The following MAPK9 variants were observed in gnomAD, a reference collection of about 807,000 sequenced individuals.
The protein encoded by MAPK9 is Jun kinase.
A neutral mutation model predicts 57.1 loss-of-function variants in MAPK9; 30 were observed. The observed-to-expected ratio is 0.53, with a 90% confidence interval of 0.39 to 0.71. The LOEUF (loss-of-function observed/expected upper bound fraction) is 0.71. MAPK9 is among the 30% of genes least tolerant of loss of function. MAPK9 has a pLI of 0.00. For missense variants in MAPK9, 362 were observed against 521.0 expected, an observed-to-expected ratio of 0.69 and a Z score of 2.97; for synonymous variants, 155 against 177.0, an observed-to-expected ratio of 0.88 and a Z score of 0.99.
rs972428982 is a variant in MAPK9, at chr5:180,233,607, A to T, written c.*2777T>A. The T allele has an allele frequency of 3.9e-5, 6 of 152,226 alleles. No homozygotes were observed. The highest frequency in any genetic ancestry group is 1.4e-4 in the African/African-American group (6 of 41,458). The allele number at this position is 152,226 out of a possible 1,614,324, so 9.4% of individuals were successfully genotyped here. A position where few individuals can be genotyped will look rare whatever the true frequency, so the allele number is the denominator to read the frequency against. ...ACATGCTATACATTTATCTTTTAAAATGTAGTCTGTATTATTTTCACCAAC... is the reference window on the plus strand; with the variant it reads ...ACATGCTATACATTTATCTTTTAAATTGTAGTCTGTATTATTTTCACCAAC... On this transcript the variant is annotated 3_prime_UTR_variant, in exon 12 of 12. Transcript: ENST00000452135.
At chr5:180,266,531 G>A (rs1018688284) in intron 3 of MAPK9, among the ~76,000 whole-genome samples, 1 of 151,848 alleles carries the variant, frequency 6.6e-6, no homozygotes, top group Non-Finnish European at 1.5e-5. Context: ...GCCAACCAAC[G>A]TGGTCTTAAA....
intron 3 of MAPK9, among the ~76,000 whole-genome samples, chr5:180,267,471 A>T (rs1470896191): frequency 6.7e-6 from 1 of 148,280 alleles, no homozygotes; most frequent in African/African-American, 2.5e-5. Flanking sequence ...CTGAGGCAGG[A>T]GAATGGCGTG....
intron 2 of MAPK9, among the ~76,000 whole-genome samples, chr5:180,273,652 T>C (rs887426846): frequency 6.6e-6 from 1 of 152,252 alleles, no homozygotes; most frequent in Non-Finnish European, 1.5e-5. Context: ...GCAATTCAAC[T>C]GACATTCACT....
chr5:180,241,072 G>A lies in MAPK9; in HGVS notation c.955C>T (p.Pro319Ser). ...GGGTCATACCAAACAGTGATGTATG[G>A]GTGACGCAGAGCTTCGTCTACAGAG... The part of the protein sequence containing the change: ...RISVDEALRH[P>S]YITVWYDPAE... The change falls in exon 9 of 12, where the codon CCA becomes TCA. Residue 319 changes from proline (P) to serine (S), a missense_variant. Transcript: ENST00000452135. 2 of 1,613,996 alleles carry A rather than the reference G, an allele frequency of 1.2e-6. No individual in the cohort carries two copies. Among genetic ancestry groups the A allele is most frequent in the East Asian group, 4.5e-5 (2 of 44,876 alleles).
intron 1 of MAPK9, among the ~76,000 whole-genome samples, chr5:180,282,732 G>A (rs1240338999): frequency 6.6e-6 from 1 of 152,198 alleles, no homozygotes; most frequent in Non-Finnish European, 1.5e-5. Flanking sequence ...CTGCTATGCC[G>A]TCAACACACC....
At chr5:180,260,524 T>G (rs1455293633) in intron 5 of MAPK9, among the ~76,000 whole-genome samples, 1 of 152,338 alleles carries the variant, frequency 6.6e-6, no homozygotes, top group East Asian at 1.9e-4. Context: ...TCATTTCTAA[T>G]GACCATCTCT....
intron 7 of MAPK9, among the ~76,000 whole-genome samples, chr5:180,243,087 T>C (rs36112494): frequency 0.014 from 2,081 of 152,258 alleles, 43 homozygotes; most frequent in African/African-American, 0.047. Context: ...TAGATAAACA[T>C]TACATAAGCA....
chr5:180,290,656 G>A (rs1429670207), intron 1 of MAPK9, among the ~76,000 whole-genome samples: 1 of 152,176 alleles, frequency 6.6e-6, no homozygotes, highest in East Asian at 1.9e-4. Flanking sequence ...GCAATTAAAG[G>A]GGTCAAGGAC....
intron 1 of MAPK9, among the ~76,000 whole-genome samples, chr5:180,289,523 A>T (rs1320897232): frequency 1.3e-5 from 2 of 152,192 alleles, no homozygotes; most frequent in Non-Finnish European, 2.9e-5. Flanking sequence ...CCAGGAAAGA[A>T]TCCTTATCTG....
chr5:180,288,409 C>G (rs915490675), intron 1 of MAPK9, among the ~76,000 whole-genome samples: 1 of 152,124 alleles, frequency 6.6e-6, no homozygotes, highest in East Asian at 1.9e-4. Context: ...ATTAAGGAAA[C>G]CTAAAATTCA....
intron 2 of MAPK9, among the ~76,000 whole-genome samples, chr5:180,279,362 A>C (rs374216689): frequency 2.0e-5 from 3 of 152,182 alleles, no homozygotes; most frequent in African/African-American, 7.2e-5. Context: ...CATTCCTTCC[A>C]AACAGTCCCT....
intron 9 of MAPK9, among the ~76,000 whole-genome samples, 198 bp downstream of exon 9, chr5:180,240,833 C>T (rs1306231751): frequency 2.0e-5 from 3 of 152,204 alleles, no homozygotes; most frequent in South Asian, 4.1e-4. Flanking sequence ...AGTTCATTCC[C>T]GAGGTACTCT....
chr5:180,243,071 C>T (rs1213348545), intron 7 of MAPK9, among the ~76,000 whole-genome samples: 1 of 152,144 alleles, frequency 6.6e-6, no homozygotes, highest in Admixed American at 6.5e-5. Flanking sequence ...TGATTAAACA[C>T]GAAATTAGAT....
In MAPK9 at chr5:180,261,714, T is replaced by G; in HGVS notation, c.420A>C (p.Lys140Asn). 6.2e-7 allele frequency: 1 copy of G among 1,612,606 alleles called. No homozygotes were observed. The highest frequency in any genetic ancestry group is 1.7e-5 in the Admixed American group (1 of 59,838). ...GAATTATACCAGCTGAATGCAGATG[T>G]TTAATACCACAAAGCATCTGGTAAA... ...YLLYQMLCGI[K>N]HLHSAGIIHR... The change falls in exon 5 of 12, where the codon AAA (lysine) becomes AAC (asparagine). Residue 140 changes from lysine (K) to asparagine (N), a missense_variant. Coordinates refer to ENST00000452135, the MANE Select transcript of MAPK9 (RefSeq NM_002752.5).
At chr5:180,249,233 T>C (rs772592655) in intron 5 of MAPK9, 95 bp from the exon 6 acceptor site, 42 of 1,136,540 alleles carry the variant, frequency 3.7e-5, no homozygotes, top group Non-Finnish European at 4.8e-5. Flanking sequence ...TGTGAGAGTG[T>C]AGGGAGTGAA....
At chr5:180,239,894 A>C (rs1327962401) in intron 10 of MAPK9, 30 bp downstream of exon 10, 1 of 1,595,722 alleles carries the variant, frequency 6.3e-7, no homozygotes, top group Non-Finnish European at 8.6e-7. Flanking sequence ...AAATGTCAAA[A>C]GGAAGGATCA....
chr5:180,245,993 T>C (rs1298657870), intron 7 of MAPK9: 2 of 152,342 alleles, frequency 1.3e-5, no homozygotes, highest in Middle Eastern at 3.4e-3. Flanking sequence ...ACCTTATATA[T>C]AACACTATTA....
chr5:180,262,454 G>T (rs1388970844), intron 4 of MAPK9, among the ~76,000 whole-genome samples: 1 of 151,526 alleles, frequency 6.6e-6, no homozygotes, highest in African/African-American at 2.4e-5. Context: ...TTGAGACAGG[G>T]TCTCACTCTG....
At position 180,257,240 on chromosome 5, in the gene MAPK9, CT is replaced by C. The variant is rs760241947; in HGVS notation, c.450+4443del. Among the ~76,000 whole-genome samples the C allele has an allele frequency of 5.9e-5, 9 of 152,178 alleles. 1 individual carries two copies. The highest frequency in any genetic ancestry group is 4.4e-5 in the Non-Finnish European group (3 of 68,024). On this transcript the variant is annotated intron_variant, in intron 5 of 11. Transcript: ENST00000452135. ...ACCCTGCCCTCTGTGGGTCGGTGGG[CT>C]CTACCCCCAAGGGAGGCCTTCAATG... is the stretch of plus-strand genomic sequence containing the variant.
Sources: allele counts gnomAD v4.1 joint callset (sites outside exome capture counted in the v4.1 genomes callset), GRCh38; gene constraint gnomAD v4.1.1; transcripts MANE v1.5; gene names NCBI Gene and HGNC (gene_info 2026-07-23, HGNC 2026-07-21).